PPIL6: variants seen among roughly 807,000 people sequenced by gnomAD.
The protein encoded by PPIL6 is probable inactive peptidyl-prolyl cis-trans isomerase-like 6.
A neutral mutation model predicts 36.8 loss-of-function variants in PPIL6; 39 were observed. That is an observed-to-expected ratio of 1.06 (90% CI 0.82 to 1.38). PPIL6 has a LOEUF of 1.38. Ranked by LOEUF, PPIL6 falls within the 40% of genes most tolerant of loss-of-function variation. PPIL6 has a pLI of 0.00. For synonymous variants in PPIL6, 123 were observed against 134.1 expected, an observed-to-expected ratio of 0.92 and a Z score of 0.57; for missense variants, 368 against 379.1, an observed-to-expected ratio of 0.97 and a Z score of 0.24.
upstream of PPIL6, chr6:109,440,645 C>G: frequency 8.5e-7 from 1 of 1,174,140 alleles, no homozygotes; most frequent in Non-Finnish European, 1.1e-6. Flanking sequence ...CTCCGGCAAC[C>G]GCGCGGCCCC....
At chr6:109,405,470 C>T (rs117307563) in intron 6 of PPIL6, among the ~76,000 whole-genome samples, 2,741 of 152,262 alleles carry the variant, frequency 0.018, 64 homozygotes, top group East Asian at 0.069. Context: ...TCGAGAATTT[C>T]TCCCAGTCTG....
intron 5 of PPIL6, among the ~76,000 whole-genome samples, chr6:109,420,095 A>G (rs754673610): frequency 6.6e-6 from 1 of 152,098 alleles, no homozygotes; most frequent in African/African-American, 2.4e-5. Flanking sequence ...GCACTTTGGG[A>G]GGCCGAAGCA....
intron 5 of PPIL6, among the ~76,000 whole-genome samples, chr6:109,420,097 G>A (rs1773463191): frequency 6.6e-6 from 1 of 151,924 alleles, no homozygotes; most frequent in South Asian, 2.1e-4. Context: ...ACTTTGGGAG[G>A]CCGAAGCAGG....
chr6:109,402,309 G>A (rs1772586288), intron 6 of PPIL6, among the ~76,000 whole-genome samples: 1 of 152,046 alleles, frequency 6.6e-6, no homozygotes, highest in Non-Finnish European at 1.5e-5. Flanking sequence ...GCCAAGGTGG[G>A]TGGGTCGCTT....
chr6:109,417,925 G>A (rs938790917), intron 6 of PPIL6, among the ~76,000 whole-genome samples: 5 of 151,996 alleles, frequency 3.3e-5, no homozygotes, highest in African/African-American at 4.8e-5. Flanking sequence ...TATGCACATC[G>A]TTTCCTATGG....
At chr6:109,433,735 C>T (rs1774292879) in intron 2 of PPIL6, among the ~76,000 whole-genome samples, 1 of 152,018 alleles carries the variant, frequency 6.6e-6, no homozygotes, top group Non-Finnish European at 1.5e-5. Flanking sequence ...AGACACAATA[C>T]TTACATTGAT....
intron 2 of PPIL6, among the ~76,000 whole-genome samples, chr6:109,434,416 T>C (rs905642646): frequency 9.9e-5 from 15 of 152,056 alleles, no homozygotes; most frequent in Admixed American, 9.2e-4. Flanking sequence ...AAAGAATATA[T>C]ATGTGTGTTT....
intron 3 of PPIL6, among the ~76,000 whole-genome samples, chr6:109,427,654 GA>G (rs1773896679): frequency 6.6e-6 from 1 of 152,146 alleles, no homozygotes; most frequent in South Asian, 2.1e-4. Context: ...TCAAAGTACT[GA>G]AATTACAGGC....
At chr6:109,432,154 G>A (rs960328670) in intron 2 of PPIL6, among the ~76,000 whole-genome samples, 1 of 152,168 alleles carries the variant, frequency 6.6e-6, no homozygotes, top group Non-Finnish European at 1.5e-5. Context: ...TGCATACTTG[G>A]AAAGGATAGG....
rs560635029 is a variant in PPIL6, at chr6:109,394,370, CAAAAAAA to C, written c.825-1440_825-1434del. On this transcript the variant is annotated intron_variant, in intron 7 of 7. Coordinates refer to ENST00000521072, the MANE Select transcript of PPIL6 (RefSeq NM_173672.5). ...CTGGGCCATAGAGCGAGACTTATCT[CAAAAAAA>C]AAAAAAAAAAAAAAAGCCATGCTAG... Among the ~76,000 whole-genome samples the C allele has an allele frequency of 7.8e-4, 39 of 50,304 alleles. No individual in the cohort carries two copies. In the East Asian group the frequency reaches 0.02, roughly 26 times the overall value. The allele number at this position is 50,304 out of a possible 152,430, so 33.0% of individuals were successfully genotyped here.
At chr6:109,398,180 G>A (rs1165357749) in intron 7 of PPIL6, among the ~76,000 whole-genome samples, 1 of 152,170 alleles carries the variant, frequency 6.6e-6, no homozygotes, top group African/African-American at 2.4e-5. Flanking sequence ...GTGAGCCACC[G>A]CGTCCAGCCT....
In PPIL6 at chr6:109,404,072, C is replaced by T. The variant is rs568021504; in HGVS notation, c.689-3902G>A. The stretch of plus-strand genomic sequence containing the variant: ...TCTAATTTTGTCCTACCAGACCAAC[C>T]GAATAATAAAAACTTCACTGAATGC... On this transcript the variant is annotated intron_variant, in intron 6 of 7. Coordinates refer to ENST00000521072, the MANE Select transcript of PPIL6 (RefSeq NM_173672.5). Among the ~76,000 whole-genome samples the T allele has an allele frequency of 1.2e-4, 18 of 152,148 alleles. No homozygotes were observed. The South Asian group carries it at 3.5e-3, about 30-fold the overall frequency.
intron 3 of PPIL6, among the ~76,000 whole-genome samples, chr6:109,428,411 G>T (rs562273718): frequency 1.3e-5 from 2 of 152,130 alleles, no homozygotes; most frequent in Admixed American, 1.3e-4. Flanking sequence ...AATTAGCTGG[G>T]CATGATGGCA....
chr6:109,411,591 T>TCAC (rs1490449130), intron 6 of PPIL6, among the ~76,000 whole-genome samples: 1 of 152,238 alleles, frequency 6.6e-6, no homozygotes, highest in Non-Finnish European at 1.5e-5. Flanking sequence ...TTCCCAAGTC[T>TCAC]CACCTGGTTT....
chr6:109,433,633 G>C (rs960914266), intron 2 of PPIL6, among the ~76,000 whole-genome samples: 4 of 152,208 alleles, frequency 2.6e-5, no homozygotes, highest in African/African-American at 9.6e-5. Flanking sequence ...CATCCACTTA[G>C]GGTGGCACTT....
chr6:109,408,832 T>G (rs1772899253), intron 6 of PPIL6, among the ~76,000 whole-genome samples: 1 of 152,158 alleles, frequency 6.6e-6, no homozygotes, highest in Admixed American at 6.6e-5. Context: ...TTAAAAAAAT[T>G]TCCTCCTCCT....
rs141859932 is a variant in PPIL6, at chr6:109,400,100, G to A, written c.759C>T (p.Asn253=). 5.4e-4 allele frequency: 874 copies of A among 1,613,646 alleles called. 5 individuals are homozygous for A. In the African/African-American group the frequency reaches 0.01, roughly 19 times the overall value. ...LGMANKGRHS[N]GSQFYITLQA... is the part of the protein sequence containing the mutation. ...GCAGTGTGATATAGAATTGTGACCC[G>A]TTGCTGTGACGGCCTTTGTTGGCCA... Residue 253 remains asparagine (N), a synonymous_variant, in exon 7 of 8, where the codon AAC becomes AAT. Transcript: ENST00000521072.
At chr6:109,424,246 C>A (rs1773699255) in intron 5 of PPIL6, among the ~76,000 whole-genome samples, 1 of 152,076 alleles carries the variant, frequency 6.6e-6, no homozygotes, top group Non-Finnish European at 1.5e-5. Flanking sequence ...ACAAGGGATA[C>A]CTGCAGGAAC....
At chr6:109,416,316 C>T (rs1773252038) in intron 6 of PPIL6, among the ~76,000 whole-genome samples, 1 of 151,120 alleles carries the variant, frequency 6.6e-6, no homozygotes, top group South Asian at 2.1e-4. Flanking sequence ...GATTCTCCTG[C>T]CTCAGTCTCC....
Sources: allele counts gnomAD v4.1 joint callset (sites outside exome capture counted in the v4.1 genomes callset), GRCh38; gene constraint gnomAD v4.1.1; transcripts MANE v1.5; gene names NCBI Gene and HGNC (gene_info 2026-07-23, HGNC 2026-07-21).